The following WRN variants were observed in gnomAD, a reference collection of about 807,000 sequenced individuals.
WRN encodes bifunctional 3'-5' exonuclease/ATP-dependent helicase WRN.
A neutral mutation model predicts 180.7 loss-of-function variants in WRN; 149 were observed. The observed-to-expected ratio is 0.82, with a 90% CI of 0.72 to 0.94. The LOEUF (loss-of-function observed/expected upper bound fraction) is 0.94, where lower values mean the gene tolerates loss of function less well. Among genes scored for constraint, WRN ranks in the 40% least tolerant of loss-of-function variants. The pLI is 0.00. For synonymous variants in WRN, 548 were observed against 568.9 expected, an observed-to-expected ratio of 0.96 and a Z score of 0.52; for missense variants, 1,661 against 1,700.1, an observed-to-expected ratio of 0.98 and a Z score of 0.40.
At position 31,125,539 on chromosome 8, in the gene WRN, T is replaced by G. The variant is rs1431781974; in HGVS notation, c.2825+539T>G. Among the ~76,000 whole-genome samples the G allele has an allele frequency of 2.2e-4, 15 of 67,236 alleles. 1 individual carries two copies. Among genetic ancestry groups the G allele is most frequent in the African/African-American group, 5.5e-4 (11 of 20,094 alleles). 44.1% of individuals were successfully genotyped at this position (67,236 alleles called of 152,430 possible). A position where few individuals can be genotyped will look rare whatever the true frequency, so the allele number is the denominator to read the frequency against. On this transcript the variant is annotated intron_variant, in intron 23 of 34. Transcript: ENST00000298139. ...AATAGGACGATTGATATTATGGAGA[T>G]ATATATATATATATATATATATATA... is the stretch of plus-strand genomic sequence containing the variant.
chr8:31,036,277 T>C (rs2129891073), intron 1 of WRN, among the ~76,000 whole-genome samples: 1 of 152,374 alleles, frequency 6.6e-6, no homozygotes, highest in Non-Finnish European at 1.5e-5. Context: ...GATGGACAGT[T>C]AGCTTGATTC....
At position 31,175,911 on chromosome 8, in the gene WRN, T is replaced by C. The variant is rs1451576746; in HGVS notation, c.*2809T>C. On this transcript the variant is annotated 3_prime_UTR_variant, in exon 35 of 35. Coordinates refer to ENST00000298139, the MANE Select transcript of WRN (RefSeq NM_000553.6). ...ATTTTTAAATAAAACAAGAAACATT[T>C]TTAAATGTCTGTTTTAATTTCTAAA... Among the ~76,000 whole-genome samples, 1 of 152,254 alleles carries C rather than the reference T, an allele frequency of 6.6e-6. No homozygotes were observed. The highest frequency in any genetic ancestry group is 1.5e-5 in the Non-Finnish European group (1 of 68,036).
intron 32 of WRN, among the ~76,000 whole-genome samples, chr8:31,155,060 T>A (rs1044764374): frequency 7.9e-5 from 12 of 152,188 alleles, no homozygotes; most frequent in African/African-American, 2.9e-4. Flanking sequence ...ACTAACAGTT[T>A]AAAAACTATA....
chr8:31,136,324 G>A (rs1415882831), intron 24 of WRN, among the ~76,000 whole-genome samples: 2 of 152,166 alleles, frequency 1.3e-5, no homozygotes, highest in Non-Finnish European at 2.9e-5. Context: ...GCATCCCACA[G>A]AAGTATACCT....
At chr8:31,134,791 A>G (rs1386941736) in intron 24 of WRN, among the ~76,000 whole-genome samples, 1 of 152,196 alleles carries the variant, frequency 6.6e-6, no homozygotes, top group Non-Finnish European at 1.5e-5. Flanking sequence ...TCACTCTTGT[A>G]ATTTTCAAAC....
At chr8:31,093,368 C>G (rs147306746) in intron 16 of WRN, among the ~76,000 whole-genome samples, 2 of 151,964 alleles carry the variant, frequency 1.3e-5, no homozygotes, top group Admixed American at 1.3e-4. Context: ...TCCAAAGTGC[C>G]GGGATTACAG....
intron 18 of WRN, 85 bp downstream of exon 18, chr8:31,101,040 G>C (rs1329028252): frequency 8.9e-6 from 10 of 1,124,526 alleles, no homozygotes; most frequent in Non-Finnish European, 1.3e-5. Context: ...AGAAGCTGAA[G>C]ACTTCACTAT....
chr8:31,145,134 C>G (rs771936438), intron 28 of WRN, among the ~76,000 whole-genome samples: 2 of 152,210 alleles, frequency 1.3e-5, no homozygotes, highest in Admixed American at 6.5e-5. Context: ...GAAGATCTAG[C>G]TAAGATCATC....
At chr8:31,045,668 C>T (rs568258191) in intron 1 of WRN, among the ~76,000 whole-genome samples, 3 of 152,122 alleles carry the variant, frequency 2.0e-5, no homozygotes, top group Non-Finnish European at 4.4e-5. Context: ...TCCGAAAGTG[C>T]TGGGATTACA....
At chr8:31,083,066 T>C (rs1161664001) in intron 9 of WRN, among the ~76,000 whole-genome samples, 1 of 152,218 alleles carries the variant, frequency 6.6e-6, no homozygotes, top group Non-Finnish European at 1.5e-5. Context: ...TGGCATTTTT[T>C]GAGGGTTTTC....
At chr8:31,169,479 CT>C (rs1349422451) in intron 34 of WRN, among the ~76,000 whole-genome samples, 1 of 151,836 alleles carries the variant, frequency 6.6e-6, no homozygotes, top group Non-Finnish European at 1.5e-5. Context: ...TTGTGATGTC[CT>C]TTTGTATTTT....
At chr8:31,084,786 G>T (rs528328943) in intron 10 of WRN, among the ~76,000 whole-genome samples, 11 of 152,268 alleles carry the variant, frequency 7.2e-5, no homozygotes, top group African/African-American at 2.6e-4. Flanking sequence ...GTCAAAAACA[G>T]CTATTGTTCT....
chr8:31,149,372 G>A (rs1803004873), intron 30 of WRN, among the ~76,000 whole-genome samples: 1 of 147,382 alleles, frequency 6.8e-6, no homozygotes, highest in African/African-American at 2.5e-5. Context: ...ACTCCAGCCT[G>A]GGTGACAGAG....
At chr8:31,113,166 A>G (rs1337648049) in intron 19 of WRN, among the ~76,000 whole-genome samples, 1 of 149,860 alleles carries the variant, frequency 6.7e-6, no homozygotes, top group African/African-American at 2.4e-5. Flanking sequence ...AGATCACACC[A>G]CTGTACTCCA....
At chr8:31,088,113 G>A in intron 12 of WRN, among the ~76,000 whole-genome samples, 193 bp downstream of exon 12, 1 of 152,204 alleles carries the variant, frequency 6.6e-6, no homozygotes, top group South Asian at 2.1e-4. Flanking sequence ...GAAAAATAGA[G>A]TAATAGCATT....
chr8:31,044,600 C>A (rs1811789618), intron 1 of WRN, among the ~76,000 whole-genome samples: 1 of 152,122 alleles, frequency 6.6e-6, no homozygotes, highest in African/African-American at 2.4e-5. Context: ...CGTGATCCGC[C>A]TGCCTCGGCC....
At chr8:31,138,835 A>G (rs1033211934) in intron 24 of WRN, among the ~76,000 whole-genome samples, 6 of 152,176 alleles carry the variant, frequency 3.9e-5, no homozygotes, top group Non-Finnish European at 2.9e-5. Flanking sequence ...TTTTAAGTCC[A>G]ATGTATAGGC....
intron 18 of WRN, among the ~76,000 whole-genome samples, chr8:31,106,345 G>A (rs189602879): frequency 6.6e-6 from 1 of 152,028 alleles, no homozygotes; most frequent in East Asian, 1.9e-4. Context: ...GATAGATCAT[G>A]TCTTCGGCTC....
intron 7 of WRN, among the ~76,000 whole-genome samples, chr8:31,075,870 A>G (rs1021803312): frequency 2.0e-5 from 3 of 152,218 alleles, no homozygotes; most frequent in Non-Finnish European, 1.5e-5. Flanking sequence ...TGATTTTGCA[A>G]TAGTACAGAC....
Sources: gnomAD v4.1 joint callset for allele counts (sites outside exome capture counted in the v4.1 genomes callset) on GRCh38, gnomAD v4.1.1 for gene constraint, MANE v1.5 for transcripts, NCBI Gene and HGNC (gene_info 2026-07-23, HGNC 2026-07-21) for gene names.